The following PLCB1 variants were observed in gnomAD, a reference collection of about 807,000 sequenced individuals.
PLCB1 encodes 1-phosphatidylinositol 4,5-bisphosphate phosphodiesterase beta-1.
PLCB1 carries 46 observed loss-of-function variants against 161.8 expected under a neutral mutation model. The ratio of observed to expected loss-of-function variants is 0.28; its 90% confidence interval spans 0.22 to 0.36. The LOEUF (loss-of-function observed/expected upper bound fraction) is 0.36. Among genes scored for constraint, PLCB1 ranks in the 10% least tolerant of loss-of-function variants. The pLI is 1.00. For synonymous variants in PLCB1, 517 were observed against 503.7 expected, an observed-to-expected ratio of 1.03 and a Z score of -0.35; for missense variants, 1,016 against 1,472.5, an observed-to-expected ratio of 0.69 and a Z score of 5.07.
chr20:8,841,417 T>A (rs1250332047), intron 31 of PLCB1, among the ~76,000 whole-genome samples: 1 of 152,240 alleles, frequency 6.6e-6, no homozygotes, highest in East Asian at 1.9e-4. Flanking sequence ...ATACAAATTA[T>A]TTTTCCCCTT....
At chr20:8,165,607 A>G (rs555676285) in intron 2 of PLCB1, among the ~76,000 whole-genome samples, 1 of 152,196 alleles carries the variant, frequency 6.6e-6, no homozygotes, top group East Asian at 1.9e-4. Flanking sequence ...ACTTTACCTC[A>G]TTTGTTTGGC....
chr20:8,186,290 T>A (rs6039080), intron 2 of PLCB1, among the ~76,000 whole-genome samples: 1 of 151,982 alleles, frequency 6.6e-6, no homozygotes, highest in Non-Finnish European at 1.5e-5. Context: ...TTTCTCTATG[T>A]GATTATTTAT....
At position 8,238,041 on chromosome 20, in the gene PLCB1, G is replaced by T. The variant is rs145147337; in HGVS notation, c.177+87670G>T. Reference sequence around the variant, plus strand: ...TTATTCTCAAAGACGAAAATGAATGGTCTGAAACTCAACGAAATCTTTTCC... The same window carrying T: ...TTATTCTCAAAGACGAAAATGAATGTTCTGAAACTCAACGAAATCTTTTCC... On this transcript the variant is annotated intron_variant, in intron 2 of 31. Transcript: ENST00000338037. 4.0e-3 allele frequency among the ~76,000 whole-genome samples: 605 copies of T among 152,142 alleles called. 9 individuals carry two copies. The highest frequency in any genetic ancestry group is 0.017 in the Middle Eastern group (5 of 294).
At chr20:8,410,074 C>G (rs749290887) in intron 3 of PLCB1, among the ~76,000 whole-genome samples, 13 of 151,828 alleles carry the variant, frequency 8.6e-5, no homozygotes, top group Non-Finnish European at 1.6e-4. Flanking sequence ...CTTTTTTTCT[C>G]TCTGGGTTGG....
At chr20:8,248,578 C>G (rs117317790) in intron 2 of PLCB1, 3 of 151,856 alleles carry the variant, frequency 2.0e-5, no homozygotes, top group Non-Finnish European at 4.4e-5. Context: ...TAGGCACCAG[C>G]AAAACACATC....
At chr20:8,449,444 A>G (rs1980977118) in intron 3 of PLCB1, among the ~76,000 whole-genome samples, 1 of 152,184 alleles carries the variant, frequency 6.6e-6, no homozygotes, top group Non-Finnish European at 1.5e-5. Flanking sequence ...CTTCAAGTGC[A>G]TGTGGGAAAG....
intron 11 of PLCB1, 102 bp downstream of exon 11, chr20:8,697,885 C>T: frequency 3.9e-6 from 4 of 1,024,722 alleles, no homozygotes; most frequent in Non-Finnish European, 4.2e-6. Context: ...CAATTAAGTC[C>T]AAAGGCTGTT....
intron 31 of PLCB1, among the ~76,000 whole-genome samples, chr20:8,811,027 A>C (rs1984792593): frequency 6.6e-6 from 1 of 152,204 alleles, no homozygotes; most frequent in African/African-American, 2.4e-5. Context: ...GAGAAACAAA[A>C]AAGGGACCAC....
At chr20:8,645,110 T>C (rs1434118104) in intron 4 of PLCB1, among the ~76,000 whole-genome samples, 4 of 151,710 alleles carry the variant, frequency 2.6e-5, no homozygotes, top group Non-Finnish European at 5.9e-5. Flanking sequence ...AAACAGATGC[T>C]TGAAGGCAGC....
At chr20:8,438,022 T>C (rs1298074156) in intron 3 of PLCB1, among the ~76,000 whole-genome samples, 2 of 152,166 alleles carry the variant, frequency 1.3e-5, no homozygotes, top group African/African-American at 4.8e-5. Flanking sequence ...ATACTTATAG[T>C]TTATTTTATT....
intron 3 of PLCB1, among the ~76,000 whole-genome samples, chr20:8,432,047 TGGGA>T (rs1980067753): frequency 6.6e-6 from 1 of 152,022 alleles, no homozygotes; most frequent in Non-Finnish European, 1.5e-5. Flanking sequence ...GGGTGGGAGC[TGGGA>T]GGTCTCTCTA....
At chr20:8,652,692 AAC>A (rs1303981081) in intron 7 of PLCB1, 2 of 152,120 alleles carry the variant, frequency 1.3e-5, no homozygotes, top group African/African-American at 4.8e-5. Context: ...TATTACCAGA[AAC>A]ACAGTGGATG....
chr20:8,724,189 A>AAC lies in PLCB1; in HGVS notation c.1582-467_1582-466insAC, dbSNP rs1555786030. ...TAAGTTTATTTATATAAAAAAAAAA[A>AAC]CCTGCACGTGTAGCCCTGAATTTAA... On this transcript the variant is annotated intron_variant, in intron 15 of 31. Coordinates refer to ENST00000338037, the MANE Select transcript of PLCB1 (RefSeq NM_015192.4). 2.7e-5 allele frequency among the ~76,000 whole-genome samples: 4 copies of AAC among 149,944 alleles called. No homozygotes were observed. In the East Asian group the frequency reaches 7.8e-4, roughly 29 times the overall value.
At chr20:8,536,831 G>C (rs548450405) in intron 3 of PLCB1, among the ~76,000 whole-genome samples, 2 of 152,148 alleles carry the variant, frequency 1.3e-5, no homozygotes, top group Non-Finnish European at 2.9e-5. Context: ...AGACTCCTTT[G>C]CTGCATGGGG....
At chr20:8,657,123 G>A (rs1012185686) in intron 7 of PLCB1, 61 bp from the exon 8 acceptor site, 4 of 889,268 alleles carry the variant, frequency 4.5e-6, no homozygotes, top group African/African-American at 3.3e-5. Context: ...GAAAAAACAG[G>A]GAGGGAGGAA....
intron 3 of PLCB1, among the ~76,000 whole-genome samples, chr20:8,622,824 T>A (rs1988222490): frequency 1.3e-5 from 2 of 152,210 alleles, no homozygotes; most frequent in Non-Finnish European, 1.5e-5. Flanking sequence ...GCATGTGTAT[T>A]GCAACCTGGG....
intron 3 of PLCB1, among the ~76,000 whole-genome samples, chr20:8,389,998 TG>T (rs1404129600): frequency 2.6e-5 from 4 of 152,200 alleles, no homozygotes; most frequent in African/African-American, 9.6e-5. Flanking sequence ...AGAAAAGCAT[TG>T]AGAATTTTCC....
intron 26 of PLCB1, among the ~76,000 whole-genome samples, chr20:8,771,877 G>C (rs114297786): frequency 6.7e-6 from 1 of 150,146 alleles, no homozygotes; most frequent in African/African-American, 2.5e-5. Context: ...TCCTTCCTTC[G>C]TTCCTTCCTT....
Position 8,276,511 on chromosome 20 carries a change from T to A in PLCB1, c.178-94871T>A, listed in dbSNP as rs565653801. Among the ~76,000 whole-genome samples, 24 of 152,360 alleles carry A rather than the reference T, an allele frequency of 1.6e-4. 1 individual carries two copies. The South Asian group carries it at 5.0e-3, about 32-fold the overall frequency. ...TTATCTGTGGCTGCTGCTCCTTTCA[T>A]TGTTATGTCATACAATGGAAATTTC... is the stretch of plus-strand genomic sequence containing the variant. On this transcript the variant is annotated intron_variant, in intron 2 of 31. Coordinates refer to ENST00000338037, the MANE Select transcript of PLCB1 (RefSeq NM_015192.4).
Sources: allele counts gnomAD v4.1 joint callset (sites outside exome capture counted in the v4.1 genomes callset), GRCh38; gene constraint gnomAD v4.1.1; transcripts MANE v1.5; gene names NCBI Gene and HGNC (gene_info 2026-07-23, HGNC 2026-07-21).